Variants in CSNK1G2 observed in about 807,000 individuals in gnomAD.
The protein encoded by CSNK1G2 is casein kinase 1 gamma 2, also known as casein kinase I isoform gamma-2.
Under a neutral mutation model 48.0 loss-of-function variants are expected in CSNK1G2, and 11 were observed. The ratio of observed to expected loss-of-function variants is 0.23; its 90% confidence interval spans 0.14 to 0.38. CSNK1G2 has a LOEUF of 0.38. CSNK1G2 is among the 10% of genes least tolerant of loss of function. The pLI is 1.00. For missense variants in CSNK1G2, 446 were observed against 595.5 expected (o/e 0.75, Z 2.61); for synonymous variants, 337 against 254.1 (o/e 1.33, Z -3.10).
chr19:1,964,332 G>A (rs543748934), intron 1 of CSNK1G2, among the ~76,000 whole-genome samples: 1 of 151,998 alleles, frequency 6.6e-6, no homozygotes, highest in South Asian at 2.1e-4. Flanking sequence ...AGGTGAAAAG[G>A]ATTAAGTGTT....
chr19:1,945,894 A>G (rs1260204830), intron 1 of CSNK1G2, among the ~76,000 whole-genome samples: 3 of 151,350 alleles, frequency 2.0e-5, no homozygotes, highest in Non-Finnish European at 4.4e-5. Context: ...GCTGGGGTAG[A>G]GCAGTGGGTC....
At chr19:1,956,241 C>T (rs762199913) in intron 1 of CSNK1G2, among the ~76,000 whole-genome samples, 1 of 152,074 alleles carries the variant, frequency 6.6e-6, no homozygotes, top group Non-Finnish European at 1.5e-5. Flanking sequence ...AGTGGGTAGA[C>T]CCAGCAGGGC....
Position 1,978,448 on chromosome 19 carries a change from A to T in CSNK1G2, c.235A>T (p.Ile79Phe). 1 of 1,609,772 alleles carries T rather than the reference A, an allele frequency of 6.2e-7. No homozygotes were observed. The highest frequency in any genetic ancestry group is 8.5e-7 in the Non-Finnish European group (1 of 1,178,694). Residue 79 changes from isoleucine (I) to phenylalanine (F), a missense_variant, in exon 4 of 12, where the codon ATC becomes TTC. Ile to Phe is a conservative substitution (Grantham distance 21). This residue lies in a region of CSNK1G2 where 258 missense variants were observed against 415.9 expected (regional missense o/e 0.62). Transcript: ENST00000255641. This position sits in a 1 kb window ranked among gnomAD's most constrained non-coding sequence, Gnocchi z 7.3. ...CTCGCTCTTGTGCCCCCAGGAGCCG[A>T]TCAAGTCCCGGGCCCCGCAGCTGCA... is the stretch of plus-strand genomic sequence containing the variant. ...NEYVAIKLEPIKSRAPQLHLE... is the reference protein window; with the variant it reads ...NEYVAIKLEPFKSRAPQLHLE...
chr19:1,953,377 T>C (rs1269728756), intron 1 of CSNK1G2: 2 of 533,122 alleles, frequency 3.8e-6, no homozygotes, highest in Non-Finnish European at 7.7e-6. Flanking sequence ...TGGGTGGGGG[T>C]GTTCTCACTT....
intron 2 of CSNK1G2, among the ~76,000 whole-genome samples, chr19:1,972,503 A>G (rs1430355127): frequency 2.0e-5 from 3 of 152,110 alleles, no homozygotes; most frequent in Admixed American, 1.3e-4. Context: ...TTCTGTTTTT[A>G]TCCTGCTTGG....
At chr19:1,963,197 A>G (rs1166847995) in intron 1 of CSNK1G2, among the ~76,000 whole-genome samples, 1 of 152,092 alleles carries the variant, frequency 6.6e-6, no homozygotes, top group South Asian at 2.1e-4. Flanking sequence ...ATGAAAATAA[A>G]ATATACAGTA....
At chr19:1,973,072 C>A (rs1464268164) in intron 2 of CSNK1G2, among the ~76,000 whole-genome samples, 1 of 151,694 alleles carries the variant, frequency 6.6e-6, no homozygotes, top group Non-Finnish European at 1.5e-5. Flanking sequence ...GGACTACAGC[C>A]GCCCGCCACC....
chr19:1,944,822 G>A (rs965978235), intron 1 of CSNK1G2, among the ~76,000 whole-genome samples: 2 of 152,318 alleles, frequency 1.3e-5, no homozygotes, highest in South Asian at 2.1e-4. Flanking sequence ...TGAGGGGTGG[G>A]GCCTGCCTGG....
Position 1,978,379 on chromosome 19 carries a change from G to T in CSNK1G2, c.228+34G>T. 1 of 1,611,994 alleles carries T rather than the reference G, an allele frequency of 6.2e-7. No homozygotes were observed. The highest frequency in any genetic ancestry group is 8.5e-7 in the Non-Finnish European group (1 of 1,178,944). ...GCCCCTCCACCCCACCCCCGCTGACGTGCCCCCCAGGGATTTCAGGGCAGC... is the reference window on the plus strand; with the variant it reads ...GCCCCTCCACCCCACCCCCGCTGACTTGCCCCCCAGGGATTTCAGGGCAGC... On this transcript the variant is annotated intron_variant, in intron 3 of 11. Transcript: ENST00000255641. This position sits in a 1 kb window ranked among gnomAD's most constrained non-coding sequence, Gnocchi z 7.3.
At chr19:1,958,253 T>C (rs2015065686) in intron 1 of CSNK1G2, among the ~76,000 whole-genome samples, 1 of 151,806 alleles carries the variant, frequency 6.6e-6, no homozygotes, top group Non-Finnish European at 1.5e-5. Context: ...TTCTCGGTGG[T>C]TCCCAGAGGC....
intron 1 of CSNK1G2, 63 bp from the exon 2 acceptor site, chr19:1,969,445 C>T (rs964058852): frequency 2.0e-5 from 4 of 197,360 alleles, no homozygotes; most frequent in East Asian, 2.2e-4. Context: ...GCCTCCGCCC[C>T]GTGTCCTCAG....
In CSNK1G2 at chr19:1,978,502, AGC is replaced by A; in HGVS notation, c.292_293del (p.Ala98HisfsTer208). On this transcript the variant is annotated frameshift_variant, in exon 4 of 12. Transcript: ENST00000255641. LOFTEE classifies it high-confidence loss of function. The surrounding 1 kb of genome is among the most constrained non-coding windows in gnomAD (Gnocchi z 7.3). ...HLEYRFYKQLSATEGVPQVYY... is the reference protein window; with the variant it reads ...HLEYRFYKQLXATEGVPQVYY... ...GGAGTACCGGTTCTACAAGCAGCTC[AGC>A]GCCACAGGTACCGGGCGGCCCGCGG... The A allele has an allele frequency of 6.3e-7, 1 of 1,592,748 alleles. No homozygotes were observed. The highest frequency in any genetic ancestry group is 8.5e-7 in the Non-Finnish European group (1 of 1,170,622).
Position 1,978,238 on chromosome 19 carries a change from G to A in CSNK1G2, c.188-67G>A. 1 of 1,560,006 alleles carries A rather than the reference G, an allele frequency of 6.4e-7. No homozygotes were observed. The highest frequency in any genetic ancestry group is 1.1e-5 in the South Asian group (1 of 89,954). The stretch of plus-strand genomic sequence containing the variant: ...CCCCCTCCTGCCTCCTGCCTCGGGG[G>A]TGGGCTGGGGAGGTCGGGGCTAGGT... On this transcript the variant is annotated intron_variant, in intron 2 of 11. Transcript: ENST00000255641. The surrounding 1 kb of genome is among the most constrained non-coding windows in gnomAD (Gnocchi z 7.3).
At position 1,957,793 on chromosome 19, in the gene CSNK1G2, G is replaced by A. The variant is rs144971178; in HGVS notation, c.-265-11715G>A. On this transcript the variant is annotated intron_variant, in intron 1 of 11. Coordinates refer to ENST00000255641, the MANE Select transcript of CSNK1G2 (RefSeq NM_001319.7). The surrounding 1 kb of genome is among the most constrained non-coding windows in gnomAD (Gnocchi z 5.4). ...TGTGTGCTCGGTGGGTGCCGTGTGT[G>A]GGGGGTATGTGCTCGGCGGGCGCCG... Among the ~76,000 whole-genome samples, 313 of 147,328 alleles carry A rather than the reference G, an allele frequency of 2.1e-3. No homozygotes were observed. The highest frequency in any genetic ancestry group is 7.6e-3 in the African/African-American group (301 of 39,818).
At chr19:1,942,139 C>G (rs2014389923) in intron 1 of CSNK1G2, among the ~76,000 whole-genome samples, 1 of 152,168 alleles carries the variant, frequency 6.6e-6, no homozygotes, top group African/African-American at 2.4e-5. Flanking sequence ...GGCTCGCTGC[C>G]CCCTCCCCCT....
chr19:1,954,336 A>G (rs1263552502), intron 1 of CSNK1G2: 1 of 194,634 alleles, frequency 5.1e-6, no homozygotes, highest in Non-Finnish European at 1.1e-5. Flanking sequence ...GCAACCCCTC[A>G]TTTTCTTTCC....
chr19:1,941,971 C>T (rs1157417865), intron 1 of CSNK1G2, among the ~76,000 whole-genome samples: 1 of 152,074 alleles, frequency 6.6e-6, no homozygotes, highest in Non-Finnish European at 1.5e-5. Flanking sequence ...CCCATCGCCT[C>T]CTCCTGTCTT....
At chr19:1,947,655 G>A (rs1366106766) in intron 1 of CSNK1G2, among the ~76,000 whole-genome samples, 2 of 152,218 alleles carry the variant, frequency 1.3e-5, no homozygotes, top group African/African-American at 4.8e-5. Flanking sequence ...GGGGGATCCA[G>A]CTGGGCCCTG....
intron 1 of CSNK1G2, chr19:1,953,065 G>A (rs2014836549): frequency 2.5e-6 from 1 of 396,528 alleles, no homozygotes; most frequent in East Asian, 9.7e-5. Context: ...GGTTTTCCAC[G>A]GCCGTTCATG....
Sources: gnomAD v4.1 joint callset for allele counts (sites outside exome capture counted in the v4.1 genomes callset) on GRCh38, gnomAD v4.1.1 for gene constraint, gnomAD v4.1.1 regional missense constraint, Gnocchi (gnomAD v3.1) non-coding constraint, MANE v1.5 for transcripts, NCBI Gene and HGNC (gene_info 2026-07-23, HGNC 2026-07-21) for gene names.